The following LRRN2 variants were observed in gnomAD, a reference collection of about 807,000 sequenced individuals.
LRRN2 encodes leucine-rich repeat neuronal protein 2.
LRRN2 carries 10 observed loss-of-function variants against 35.7 expected under a neutral mutation model. The observed-to-expected ratio is 0.28, with a 90% CI of 0.17 to 0.47. The LOEUF is 0.47. Ranked by LOEUF, LRRN2 falls within the 20% of genes least tolerant of loss-of-function variation. The probability of loss-of-function intolerance (pLI) is 0.99; values close to 1 mark genes in which losing one functional copy is unlikely to be tolerated. For missense variants in LRRN2, 731 were observed against 940.3 expected (o/e 0.78, Z 2.91); for synonymous variants, 391 against 409.6 (o/e 0.95, Z 0.55).
At chr1:204,651,108 G>A (rs1257609652) in intron 1 of LRRN2, among the ~76,000 whole-genome samples, 1 of 152,202 alleles carries the variant, frequency 6.6e-6, no homozygotes, top group African/African-American at 2.4e-5. Flanking sequence ...AGCGTGCGAT[G>A]ATCTGATATC....
Position 204,618,702 on chromosome 1 carries a change from G to T in LRRN2, c.1291C>A (p.Pro431Thr), listed in dbSNP as rs376548384. The change falls in exon 2 of 2, where the codon CCA (proline) becomes ACA (threonine). Residue 431 changes from proline (P) to threonine (T), a missense_variant. Pro to Thr is a conservative substitution (Grantham distance 38, BLOSUM62 -1). Transcript: ENST00000367177. ...TCTCCACTGGCTACCTGGAGGCTTG[G>T]GGGGAAGCTTCGTGGGGAGATGAGG... is the stretch of plus-strand genomic sequence containing the variant. ...LPLISPRSFP[P>T]SLQVASGESM... The T allele has an allele frequency of 3.7e-6, 6 of 1,600,168 alleles. No individual in the cohort carries two copies. Among genetic ancestry groups the T allele is most frequent in the South Asian group, 3.4e-5 (3 of 88,654 alleles).
At chr1:204,637,646 G>A (rs1390055978) in intron 1 of LRRN2, among the ~76,000 whole-genome samples, 2 of 18,534 alleles carry the variant, frequency 1.1e-4, no homozygotes, top group Non-Finnish European at 1.8e-4. Context: ...AGCACGTGAC[G>A]TGTGTGTGTG....
At position 204,618,606 on chromosome 1, in the gene LRRN2, G is replaced by A; in HGVS notation, c.1387C>T (p.Leu463Phe). 1 of 1,613,876 alleles carries A rather than the reference G, an allele frequency of 6.2e-7. No individual in the cohort carries two copies. Among genetic ancestry groups the A allele is most frequent in the South Asian group, 1.1e-5 (1 of 91,078 alleles). ...PEIYWVTPAG[L>F]RLTPAHAGRR... The stretch of plus-strand genomic sequence containing the variant: ...CCTGCATGGGCAGGTGTCAGTCGAA[G>A]CCCAGCTGGAGTGACCCAGTAGATC... The change falls in exon 2 of 2, where the codon CTT becomes TTT. Residue 463 changes from leucine to phenylalanine, a missense_variant. Leu to Phe is a conservative substitution (Grantham distance 22). Transcript: ENST00000367177.
chr1:204,631,468 G>A (rs1667703305), intron 1 of LRRN2, among the ~76,000 whole-genome samples: 2 of 149,894 alleles, frequency 1.3e-5, no homozygotes, highest in South Asian at 4.3e-4. Flanking sequence ...AAGTTATGAG[G>A]AGGGCAGGTG....
At chr1:204,660,094 G>GGACC (rs1668439026) in intron 1 of LRRN2, among the ~76,000 whole-genome samples, 1 of 152,204 alleles carries the variant, frequency 6.6e-6, no homozygotes. Context: ...TCTTTCCAGA[G>GGACC]GACCCTCAAG....
intron 1 of LRRN2, among the ~76,000 whole-genome samples, chr1:204,630,607 C>G (rs879778423): frequency 3.9e-5 from 6 of 151,910 alleles, no homozygotes; most frequent in Non-Finnish European, 5.9e-5. Flanking sequence ...ATGGCTGCAG[C>G]TGAGGCCCGG....
chr1:204,628,133 G>A (rs1311970330), intron 1 of LRRN2: 1 of 152,186 alleles, frequency 6.6e-6, no homozygotes. Context: ...TGTCTTCCCT[G>A]GGCAATACCC....
At chr1:204,629,268 A>G (rs1212134929) in intron 1 of LRRN2, 1 of 152,290 alleles carries the variant, frequency 6.6e-6, no homozygotes, top group Non-Finnish European at 1.5e-5. Flanking sequence ...ATTCCTTTCC[A>G]TCTCTGAAGT....
At chr1:204,644,499 TTTG>T (rs1668055978) in intron 1 of LRRN2, among the ~76,000 whole-genome samples, 1 of 152,160 alleles carries the variant, frequency 6.6e-6, no homozygotes, top group African/African-American at 2.4e-5. Flanking sequence ...GCTGTTCTCT[TTTG>T]TGATTTCAGG....
At chr1:204,642,540 C>A (rs893258889) in intron 1 of LRRN2, among the ~76,000 whole-genome samples, 3 of 114,918 alleles carry the variant, frequency 2.6e-5, no homozygotes, top group African/African-American at 8.5e-5. Context: ...CAAAAAGGTG[C>A]CAGCTCTCTT....
chr1:204,638,498 G>A (rs574308417), intron 1 of LRRN2, among the ~76,000 whole-genome samples: 17 of 128,370 alleles, frequency 1.3e-4, no homozygotes, highest in East Asian at 1.3e-3. Context: ...TGCAACCTCC[G>A]CCCTCTAGGT....
rs1571598132 is a variant in LRRN2 at position 204,619,293 on chromosome 1, C to G, written c.700G>C (p.Glu234Gln). 1.2e-6 allele frequency: 2 copies of G among 1,614,190 alleles called. No homozygotes were observed. Among genetic ancestry groups the G allele is most frequent in the African/African-American group, 2.7e-5 (2 of 75,064 alleles). The change falls in exon 2 of 2, where the codon GAG becomes CAG. Residue 234 changes from glutamate to glutamine, a missense_variant. This residue lies in a region of LRRN2 where 256 missense variants were observed against 392.4 expected (regional missense o/e 0.65). Coordinates refer to ENST00000367177, the MANE Select transcript of LRRN2 (RefSeq NM_201630.2). The stretch of plus-strand genomic sequence containing the variant: ...AGGCTCTCCAGGCTTTGCAGCCCCT[C>G]CAGGGCATAGTCGGAGATCTCCCGC... ...NLREISDYAL[E>Q]GLQSLESLSF... is the part of the protein sequence containing the mutation.
chr1:204,659,629 TG>T (rs1668430100), intron 1 of LRRN2, among the ~76,000 whole-genome samples: 1 of 151,972 alleles, frequency 6.6e-6, no homozygotes, highest in African/African-American at 2.4e-5. Flanking sequence ...TGTGTGTGTG[TG>T]TGTGTGTGTG....
At chr1:204,681,884 GCTA>G (rs1359633288) in intron 1 of LRRN2, among the ~76,000 whole-genome samples, 1 of 152,126 alleles carries the variant, frequency 6.6e-6, no homozygotes, top group African/African-American at 2.4e-5. Context: ...GTCTTTTTTA[GCTA>G]CTTCATTTTT....
chr1:204,684,454 C>T (rs1050002214), intron 1 of LRRN2, among the ~76,000 whole-genome samples: 2 of 152,174 alleles, frequency 1.3e-5, no homozygotes, highest in Non-Finnish European at 2.9e-5. Context: ...ACCCCCGGGG[C>T]CCCTCCCCAG....
chr1:204,664,312 C>T (rs1558420121), intron 1 of LRRN2: 1 of 152,648 alleles, frequency 6.6e-6, no homozygotes, highest in Non-Finnish European at 1.5e-5. Context: ...CTGCAGCTGC[C>T]CCGGCACCTC....
intron 1 of LRRN2, among the ~76,000 whole-genome samples, chr1:204,656,546 G>A (rs1232885904): frequency 6.6e-6 from 1 of 152,160 alleles, no homozygotes; most frequent in Non-Finnish European, 1.5e-5. Context: ...TTGAAAAAGA[G>A]CTAAGTTTCT....
At position 204,624,761 on chromosome 1, in the gene LRRN2, C is replaced by G. The variant is rs534487162; in HGVS notation, c.-226-4543G>C. On this transcript the variant is annotated intron_variant, in intron 1 of 1. Coordinates refer to ENST00000367177, the MANE Select transcript of LRRN2 (RefSeq NM_201630.2). The stretch of plus-strand genomic sequence containing the variant: ...CCCTGGCGGTTCCCCCCCCACCCCC[C>G]CCCCCGGGAGCTGAGGGTCCAGAGG... Among the ~76,000 whole-genome samples the G allele has an allele frequency of 3.4e-3, 503 of 147,072 alleles. 13 individuals are homozygous for G. Among genetic ancestry groups the G allele is most frequent in the Middle Eastern group, 0.021 (6 of 290 alleles).
At chr1:204,678,481 G>C (rs556357333) in intron 1 of LRRN2, among the ~76,000 whole-genome samples, 2 of 152,182 alleles carry the variant, frequency 1.3e-5, no homozygotes, top group African/African-American at 4.8e-5. Flanking sequence ...GCCGCCCCAG[G>C]CTCCAACCCT....
Sources: allele counts gnomAD v4.1 joint callset (sites outside exome capture counted in the v4.1 genomes callset), GRCh38; gene constraint gnomAD v4.1.1; regional missense constraint gnomAD v4.1.1; transcripts MANE v1.5; gene names NCBI Gene and HGNC (gene_info 2026-07-23, HGNC 2026-07-21).